The following SPICE1 variants were observed in gnomAD, a reference collection of about 807,000 sequenced individuals.
The protein encoded by SPICE1 is spindle and centriole associated protein 1, also known as spindle and centriole-associated protein 1.
In SPICE1, 75 loss-of-function variants were observed where a neutral mutation model predicts 102.7. That is an observed-to-expected ratio of 0.73 (90% CI 0.61 to 0.88). The LOEUF (loss-of-function observed/expected upper bound fraction) is 0.88, where lower values mean the gene tolerates loss of function less well. SPICE1 is among the 40% of genes least tolerant of loss of function. SPICE1 has a pLI of 0.00. For synonymous variants in SPICE1, 308 were observed against 350.3 expected, an observed-to-expected ratio of 0.88 and a Z score of 1.35; for missense variants, 979 against 1,020.1, an observed-to-expected ratio of 0.96 and a Z score of 0.55.
intron 11 of SPICE1, among the ~76,000 whole-genome samples, chr3:113,464,159 A>T (rs911029046): frequency 2.0e-5 from 3 of 151,990 alleles, no homozygotes; most frequent in African/African-American, 4.8e-5. Context: ...AACTTCAAAC[A>T]TACTAAAAAC....
chr3:113,457,823 T>G (rs895592241), intron 12 of SPICE1, among the ~76,000 whole-genome samples: 2 of 152,188 alleles, frequency 1.3e-5, no homozygotes, highest in African/African-American at 4.8e-5. Context: ...CACACCCAGC[T>G]AATTTTTTGT....
chr3:113,478,951 T>TA (rs1439558627), intron 7 of SPICE1, among the ~76,000 whole-genome samples: 2 of 152,182 alleles, frequency 1.3e-5, no homozygotes, highest in Non-Finnish European at 2.9e-5. Context: ...AAATTTTTTT[T>TA]TAAATCTTCT....
chr3:113,488,173 T>C (rs570323691), intron 7 of SPICE1, among the ~76,000 whole-genome samples: 1 of 152,224 alleles, frequency 6.6e-6, no homozygotes, highest in African/African-American at 2.4e-5. Context: ...GTTAAATCAA[T>C]GTAATTTCCT....
At chr3:113,489,214 T>C in intron 6 of SPICE1, 151 bp from the exon 7 acceptor site, 1 of 598,516 alleles carries the variant, frequency 1.7e-6, no homozygotes, top group Non-Finnish European at 3.0e-6. Flanking sequence ...CTTCCACTAC[T>C]ATCAATTATC....
intron 5 of SPICE1, 44 bp downstream of exon 5, chr3:113,494,005 G>T (rs1211906113): frequency 7.0e-6 from 9 of 1,290,304 alleles, no homozygotes; most frequent in Non-Finnish European, 9.9e-6. Flanking sequence ...TCAACTGTGG[G>T]CTACAGTTAA....
chr3:113,476,535 T>C (rs1461201349), intron 7 of SPICE1, among the ~76,000 whole-genome samples: 4 of 144,266 alleles, frequency 2.8e-5, no homozygotes, highest in Non-Finnish European at 4.5e-5. Context: ...CTTCAAACTA[T>C]ACTACAAGGC....
chr3:113,450,616 G>A, intron 14 of SPICE1, 100 bp from the exon 15 acceptor site: 15 of 1,247,170 alleles, frequency 1.2e-5, no homozygotes, highest in Non-Finnish European at 1.6e-5. Context: ...TCACTCTGTT[G>A]CCCAGGCTGG....
intron 10 of SPICE1, 52 bp downstream of exon 10, chr3:113,468,087 A>G (rs1936102990): frequency 6.4e-7 from 1 of 1,559,548 alleles, no homozygotes; most frequent in African/African-American, 1.4e-5. Flanking sequence ...AAGGAAAAAA[A>G]ACTCATGCAT....
rs550414715 is a variant in SPICE1, at chr3:113,455,950, G to C, written c.1657+1186C>G. On this transcript the variant is annotated intron_variant, in intron 13 of 17. Transcript: ENST00000295872. ...AATCATACAATGATAGAGCTGGAGG[G>C]AACATTAAAGATAAAGAAATATCTT... Among the ~76,000 whole-genome samples the C allele has an allele frequency of 8.5e-5, 13 of 152,252 alleles. No individual in the cohort carries two copies. In the South Asian group the frequency reaches 2.7e-3, roughly 32 times the overall value.
rs143025638 is a variant in SPICE1, at chr3:113,451,512, T to A, written c.2143-996A>T. 1.3e-3 allele frequency among the ~76,000 whole-genome samples: 202 copies of A among 152,318 alleles called. 4 individuals are homozygous for A. The East Asian group carries it at 0.03, about 23-fold the overall frequency. On this transcript the variant is annotated intron_variant, in intron 14 of 17. Coordinates refer to ENST00000295872, the MANE Select transcript of SPICE1 (RefSeq NM_144718.4). ...GAAAATCAGTATGAATTAAAGATCA[T>A]TTTGTATTTCCAATTAAAACAAAAG... is the stretch of plus-strand genomic sequence containing the variant.
At chr3:113,491,635 A>T in intron 6 of SPICE1, among the ~76,000 whole-genome samples, 1 of 148,424 alleles carries the variant, frequency 6.7e-6, no homozygotes, top group African/African-American at 2.6e-5. Flanking sequence ...AAAAAAAAAA[A>T]AAAAAAAAAA....
chr3:113,502,927 G>A (rs578184147), intron 3 of SPICE1, among the ~76,000 whole-genome samples: 2 of 151,326 alleles, frequency 1.3e-5, no homozygotes, highest in South Asian at 4.2e-4. Flanking sequence ...TATATATCAG[G>A]CAGTACTAGA....
intron 10 of SPICE1, 140 bp from the exon 11 acceptor site, chr3:113,465,924 G>T: frequency 7.5e-5 from 53 of 710,056 alleles, no homozygotes; most frequent in South Asian, 3.5e-4. Context: ...TTTATTAAAA[G>T]GTTTATTATA....
chr3:113,467,114 G>T (rs555326452), intron 10 of SPICE1, among the ~76,000 whole-genome samples: 1 of 152,256 alleles, frequency 6.6e-6, no homozygotes, highest in South Asian at 2.1e-4. Flanking sequence ...CTGTATTAAG[G>T]TGGTAAATCT....
At chr3:113,478,055 G>T (rs1936403875) in intron 7 of SPICE1, among the ~76,000 whole-genome samples, 1 of 150,936 alleles carries the variant, frequency 6.6e-6, no homozygotes, top group Non-Finnish European at 1.5e-5. Flanking sequence ...TCTATAAAAG[G>T]TATATATGCA....
Position 113,494,343 on chromosome 3 carries a change from C to T in SPICE1, c.292-201G>A, listed in dbSNP as rs575957679. Among the ~76,000 whole-genome samples, 6 of 152,234 alleles carry T rather than the reference C, an allele frequency of 3.9e-5. No individual in the cohort carries two copies. The East Asian group carries it at 9.7e-4, about 25-fold the overall frequency. Reference sequence around the variant, plus strand: ...GGCTTTCCAATACCTGACTGAAATCCAAAGTAAGAAATATTCACAATTGGC... The same window carrying T: ...GGCTTTCCAATACCTGACTGAAATCTAAAGTAAGAAATATTCACAATTGGC... On this transcript the variant is annotated intron_variant, in intron 4 of 17. Coordinates refer to ENST00000295872, the MANE Select transcript of SPICE1 (RefSeq NM_144718.4).
chr3:113,465,735 T>C lies in SPICE1; in HGVS notation c.1205A>G (p.Gln402Arg). Residue 402 changes from glutamine to arginine, a missense_variant, in exon 11 of 18, where the codon CAA becomes CGA. Physicochemically the swap from Gln to Arg is conservative, Grantham distance 43. Coordinates refer to ENST00000295872, the MANE Select transcript of SPICE1 (RefSeq NM_144718.4). ...GAGCTCTCGATGATCACCTAATACT[T>C]GTTCCAGTTGTTGCCTTGTCTCTAC... ...KEVETRQQLE[Q>R]VLGDHRELID... 1 of 1,613,910 alleles carries C rather than the reference T, an allele frequency of 6.2e-7. No homozygotes were observed. The highest frequency in any genetic ancestry group is 8.5e-7 in the Non-Finnish European group (1 of 1,179,924).
At chr3:113,459,453 A>G in intron 12 of SPICE1, 1 of 974,450 alleles carries the variant, frequency 1.0e-6, no homozygotes, top group East Asian at 1.1e-4. Flanking sequence ...AAACAAAACA[A>G]AACAAAAAAA....
intron 15 of SPICE1, 130 bp from the exon 16 acceptor site, chr3:113,448,270 A>C: frequency 1.3e-6 from 1 of 755,104 alleles, no homozygotes; most frequent in Non-Finnish European, 2.0e-6. Flanking sequence ...ATCTTAGCCC[A>C]AGATACACTT....
Sources: gnomAD v4.1 joint callset for allele counts (sites outside exome capture counted in the v4.1 genomes callset) on GRCh38, gnomAD v4.1.1 for gene constraint, MANE v1.5 for transcripts, NCBI Gene and HGNC (gene_info 2026-07-23, HGNC 2026-07-21) for gene names.